Variants in GRM5 observed in about 807,000 individuals in gnomAD.
The protein encoded by GRM5 is glutamate metabotropic receptor 5, also known as metabotropic glutamate receptor 5.
Under a neutral mutation model 83.1 loss-of-function variants are expected in GRM5, and 19 were observed. The ratio of observed to expected loss-of-function variants is 0.23; its 90% CI spans 0.16 to 0.34. GRM5 has a LOEUF of 0.34. Ranked by LOEUF, GRM5 falls within the 10% of genes least tolerant of loss-of-function variation. GRM5 has a pLI of 1.00. For missense variants in GRM5, 1,160 were observed against 1,588.3 expected (o/e 0.73, Z 4.58); for synonymous variants, 675 against 633.6 (o/e 1.07, Z -0.98).
intron 4 of GRM5, among the ~76,000 whole-genome samples, chr11:88,641,836 C>T (rs1287466370): frequency 6.6e-6 from 1 of 152,208 alleles, no homozygotes; most frequent in African/African-American, 2.4e-5. Flanking sequence ...TATGGCTACT[C>T]TCACGGGTTG....
In GRM5 at chr11:88,868,351, T is replaced by C. The variant is rs191105178; in HGVS notation, c.662-18196A>G. 5.3e-5 allele frequency among the ~76,000 whole-genome samples: 8 copies of C among 151,782 alleles called. No individual in the cohort carries two copies. In the East Asian group the frequency reaches 1.5e-3, roughly 29 times the overall value. On this transcript the variant is annotated intron_variant, in intron 2 of 9. Coordinates refer to ENST00000305447, the MANE Select transcript of GRM5 (RefSeq NM_001143831.3). ...CTACTAGTTTGGATGTTTGAGCAAG[T>C]TATTAATCTTTCTAAGTCTTTTTTT...
chr11:88,848,554 ACTGG>A (rs765940774), intron 3 of GRM5, among the ~76,000 whole-genome samples: 1 of 152,214 alleles, frequency 6.6e-6, no homozygotes, highest in Non-Finnish European at 1.5e-5. Context: ...TGTTCTTTAC[ACTGG>A]CTACGTGTTA....
At chr11:88,735,974 T>G (rs753235164) in intron 3 of GRM5, among the ~76,000 whole-genome samples, 1 of 152,100 alleles carries the variant, frequency 6.6e-6, no homozygotes, top group African/African-American at 2.4e-5. Flanking sequence ...CATTTCCTTT[T>G]ATGATTGTTC....
intron 3 of GRM5, among the ~76,000 whole-genome samples, chr11:88,663,138 T>TA (rs1939949790): frequency 6.6e-6 from 1 of 152,214 alleles, no homozygotes; most frequent in East Asian, 1.9e-4. Flanking sequence ...TTTGAAGAGA[T>TA]AAAATCTTAG....
At chr11:88,563,690 A>C (rs1201746674) in intron 8 of GRM5, among the ~76,000 whole-genome samples, 1 of 152,196 alleles carries the variant, frequency 6.6e-6, no homozygotes, top group African/African-American at 2.4e-5. Context: ...TAGCATATTA[A>C]AATTTTCAAG....
chr11:88,809,480 T>C (rs533913958), intron 3 of GRM5, among the ~76,000 whole-genome samples: 1 of 152,194 alleles, frequency 6.6e-6, no homozygotes, highest in South Asian at 2.1e-4. Context: ...CACTTTGCTT[T>C]ATGTAGTTCA....
chr11:88,847,396 C>G (rs1565259499), intron 3 of GRM5, among the ~76,000 whole-genome samples: 3 of 152,102 alleles, frequency 2.0e-5, no homozygotes, highest in Non-Finnish European at 4.4e-5. Context: ...ATGTAAAGTG[C>G]TTAGCACAGT....
At chr11:88,710,731 C>T (rs1457902287) in intron 3 of GRM5, among the ~76,000 whole-genome samples, 1 of 151,596 alleles carries the variant, frequency 6.6e-6, no homozygotes, top group African/African-American at 2.4e-5. Context: ...TGCATGCATG[C>T]GTGTTTGTTG....
chr11:88,611,309 C>T (rs190415292), intron 4 of GRM5, among the ~76,000 whole-genome samples: 12 of 152,282 alleles, frequency 7.9e-5, no homozygotes, highest in Non-Finnish European at 1.6e-4. Flanking sequence ...CTTCTTTGAA[C>T]ATCTGGTAGA....
intron 9 of GRM5, among the ~76,000 whole-genome samples, chr11:88,513,302 A>G (rs1430369649): frequency 6.6e-6 from 1 of 152,198 alleles, no homozygotes; most frequent in African/African-American, 2.4e-5. Context: ...CATTGTTTAG[A>G]ACATGGTAGT....
chr11:88,649,464 T>C (rs1939573175), intron 4 of GRM5, among the ~76,000 whole-genome samples: 1 of 144,352 alleles, frequency 6.9e-6, no homozygotes, highest in Non-Finnish European at 1.5e-5. Flanking sequence ...ATATATTACA[T>C]ATATACTATA....
rs756202367 is a variant in GRM5 at position 88,588,891 on chromosome 11, G to A, written c.1690+1710C>T. On this transcript the variant is annotated intron_variant, in intron 7 of 9. Coordinates refer to ENST00000305447, the MANE Select transcript of GRM5 (RefSeq NM_001143831.3). ...AGGATATAGGCAACAAGTGACACAGGAAGCATTGCTGTTTTTCCACCTCAA... is the reference window on the plus strand; with the variant it reads ...AGGATATAGGCAACAAGTGACACAGAAAGCATTGCTGTTTTTCCACCTCAA... Among the ~76,000 whole-genome samples, 175 of 152,208 alleles carry A rather than the reference G, an allele frequency of 1.1e-3. 1 individual carries two copies. The highest frequency in any genetic ancestry group is 2.0e-3 in the Non-Finnish European group (138 of 67,982).
chr11:88,795,788 A>G (rs1437858405), intron 3 of GRM5, among the ~76,000 whole-genome samples: 2 of 152,186 alleles, frequency 1.3e-5, no homozygotes, highest in Non-Finnish European at 2.9e-5. Context: ...CCATTTTGCC[A>G]TATTGCTAAT....
chr11:88,851,964 G>A (rs979274259), intron 2 of GRM5, among the ~76,000 whole-genome samples: 4 of 152,194 alleles, frequency 2.6e-5, no homozygotes, highest in Admixed American at 6.5e-5. Flanking sequence ...TTACACTAAT[G>A]TGAGTAATCT....
chr11:88,538,390 T>C (rs1035519354), intron 8 of GRM5, among the ~76,000 whole-genome samples: 16 of 152,280 alleles, frequency 1.1e-4, no homozygotes, highest in Non-Finnish European at 4.4e-5. Flanking sequence ...TCAAAACCAA[T>C]CCTAAGGTGC....
At chr11:88,584,770 A>G (rs1943281318) in intron 7 of GRM5, among the ~76,000 whole-genome samples, 2 of 152,190 alleles carry the variant, frequency 1.3e-5, no homozygotes, top group Non-Finnish European at 2.9e-5. Context: ...CAATTTTTGA[A>G]TATTCCTGGA....
At chr11:88,573,576 T>G (rs1591358235) in intron 7 of GRM5, among the ~76,000 whole-genome samples, 1 of 152,286 alleles carries the variant, frequency 6.6e-6, no homozygotes, top group South Asian at 2.1e-4. Flanking sequence ...TGCTCTCAGC[T>G]GCTGGTTAGG....
chr11:88,872,917 G>A (rs1186758604), intron 2 of GRM5, among the ~76,000 whole-genome samples: 1 of 141,606 alleles, frequency 7.1e-6, no homozygotes, highest in East Asian at 2.1e-4. Flanking sequence ...AAACAGAAAG[G>A]CTGAATGAAT....
intron 2 of GRM5, among the ~76,000 whole-genome samples, chr11:89,020,493 G>A (rs1397100150): frequency 6.6e-6 from 1 of 152,202 alleles, no homozygotes; most frequent in African/African-American, 2.4e-5. Flanking sequence ...ATCAGTGGGT[G>A]CTGACAGTCA....
Sources: allele counts gnomAD v4.1 joint callset (sites outside exome capture counted in the v4.1 genomes callset), GRCh38; gene constraint gnomAD v4.1.1; transcripts MANE v1.5; gene names NCBI Gene and HGNC (gene_info 2026-07-23, HGNC 2026-07-21).